Variants in ZSCAN5C observed in about 807,000 individuals in gnomAD.
The protein encoded by ZSCAN5C is zinc finger and SCAN domain containing 5C.
ZSCAN5C carries 11 observed loss-of-function variants against 17.3 expected under a neutral mutation model. That is an observed-to-expected ratio of 0.64 (90% confidence interval 0.40 to 1.06). The LOEUF (loss-of-function observed/expected upper bound fraction) is 1.06, where lower values mean the gene tolerates loss of function less well. ZSCAN5C is among the 50% of genes least tolerant of loss of function. ZSCAN5C has a pLI of 0.00. For missense variants in ZSCAN5C, 698 were observed against 538.9 expected (o/e 1.30, Z -2.92); for synonymous variants, 229 against 208.4 (o/e 1.10, Z -0.85).
chr19:56,207,739 G>C (rs1203054990), intron 3 of ZSCAN5C, among the ~76,000 whole-genome samples: 1 of 151,810 alleles, frequency 6.6e-6, no homozygotes, highest in Non-Finnish European at 1.5e-5. Context: ...ATAGCATCTA[G>C]AGGGTGGAGG....
chr19:56,208,444 T>C lies in ZSCAN5C; in HGVS notation c.740-5T>C. ...TAACTGTGTGTGTGGAATCCCTTCT[T>C]CCAGCAGGGGTGGTGGGAGCAAAGG... On this transcript the variant is annotated splice_region_variant and splice_polypyrimidine_tract_variant and intron_variant, in intron 4 of 4. Coordinates refer to ENST00000534327, the Ensembl canonical transcript of ZSCAN5C. 1 of 1,304,286 alleles carries C rather than the reference T, an allele frequency of 7.7e-7. No homozygotes were observed. The highest frequency in any genetic ancestry group is 1.8e-5 in the Admixed American group (1 of 54,868). The allele number at this position is 1,304,286 out of a possible 1,614,324, so 80.8% of individuals were successfully genotyped here.
rs536699095 is a variant in ZSCAN5C, at chr19:56,203,832, A to G, written c.-128+1510A>G. ...GCCTGGCTAATTTTGTATTTTTAGT[A>G]CAGACGGGGTTTCTCCATGTTGGTC... On this transcript the variant is annotated intron_variant, in intron 1 of 4. Coordinates refer to ENST00000534327, the Ensembl canonical transcript of ZSCAN5C. Among the ~76,000 whole-genome samples the G allele has an allele frequency of 3.3e-4, 50 of 151,366 alleles. 2 individuals are homozygous for G. Among genetic ancestry groups the G allele is most frequent in the African/African-American group, 1.1e-3 (46 of 40,920 alleles).
intron 3 of ZSCAN5C, 90 bp from the exon 4 acceptor site, chr19:56,207,944 A>G (rs1568591429): frequency 7.8e-6 from 5 of 637,802 alleles, no homozygotes; most frequent in Non-Finnish European, 1.4e-5. Context: ...GTGTCATTAG[A>G]AGAGTTGGTG....
chr19:56,203,453 T>G (rs1410086489), intron 1 of ZSCAN5C, among the ~76,000 whole-genome samples: 1 of 151,740 alleles, frequency 6.6e-6, no homozygotes, highest in African/African-American at 2.4e-5. Flanking sequence ...ATGCTTAAAG[T>G]CTACTCTTTA....
At chr19:56,206,059 T>C (rs534126266) in exon 2 of ZSCAN5C, 2 of 1,613,134 alleles carry the variant, frequency 1.2e-6, no homozygotes, top group East Asian at 2.2e-5. Context: ...AACTTCAGGA[T>C]GTTCAGCTGC....
chr19:56,202,623 T>C (rs1485838486), intron 1 of ZSCAN5C, among the ~76,000 whole-genome samples: 1 of 151,950 alleles, frequency 6.6e-6, no homozygotes, highest in Non-Finnish European at 1.5e-5. Flanking sequence ...TCTCTCTCAT[T>C]GCCCAGACTA....
chr19:56,208,036 A>C (rs12979551), exon 4 of ZSCAN5C: 390,471 of 724,892 alleles, frequency 0.54, 108,714 homozygotes, highest in African/African-American at 0.7. Flanking sequence ...ATTCTCAGGA[A>C]GAGGACTTCC....
At chr19:56,207,549 T>C (rs201566972) in intron 3 of ZSCAN5C, among the ~76,000 whole-genome samples, 1 of 151,470 alleles carries the variant, frequency 6.6e-6, no homozygotes, top group South Asian at 2.1e-4. Context: ...GAAGGTCCCA[T>C]CCCCATCCAG....
exon 3 of ZSCAN5C, chr19:56,207,099 A>T: frequency 1.3e-6 from 1 of 748,412 alleles, no homozygotes; most frequent in Admixed American, 1.8e-5. Flanking sequence ...CTTATGCAGG[A>T]ATCAGATGTG....
At chr19:56,204,010 T>C (rs2032896882) in intron 1 of ZSCAN5C, among the ~76,000 whole-genome samples, 1 of 151,866 alleles carries the variant, frequency 6.6e-6, no homozygotes, top group Admixed American at 6.5e-5. Context: ...TAAAAACTAT[T>C]TTATAATTTC....
chr19:56,209,168 C>A, exon 5 of ZSCAN5C: 1 of 1,049,270 alleles, frequency 9.5e-7, no homozygotes, highest in Non-Finnish European at 1.5e-6. Flanking sequence ...AAGACGCCAC[C>A]AGAAAACACA....
chr19:56,203,017 G>A (rs1338138302), intron 1 of ZSCAN5C, among the ~76,000 whole-genome samples: 3 of 151,944 alleles, frequency 2.0e-5, no homozygotes, highest in Admixed American at 6.5e-5. Flanking sequence ...ATACTAACCC[G>A]CGTACCTGCC....
rs772668327 is a variant in ZSCAN5C at position 56,208,697 on chromosome 19, A to C, written c.988A>C (p.Ile330Leu). ...CAGAGAATCCCCGGGACAAGCTGAG[A>C]TCAATCCAGTTCATTCCCCAGGCCC... is the stretch of plus-strand genomic sequence containing the variant. The change falls in exon 5 of 5, where the codon ATC (isoleucine) becomes CTC (leucine). Residue 330 changes from isoleucine to leucine, a missense_variant. By Grantham distance (5) the Ile-to-Leu change is conservative. This residue lies in a region of ZSCAN5C where 554 missense variants were observed against 390.5 expected (regional missense o/e 1.42). Transcript: ENST00000534327. 4 of 1,612,642 alleles carry C rather than the reference A, an allele frequency of 2.5e-6. No homozygotes were observed. In the Admixed American group the frequency reaches 5.0e-5, roughly 20 times the overall value.
chr19:56,207,215 C>T lies in ZSCAN5C; in HGVS notation c.541C>T (p.Gln181Ter), dbSNP rs758893298. The T allele has an allele frequency of 1.8e-5, 14 of 778,826 alleles. No individual in the cohort carries two copies. Among genetic ancestry groups the T allele is most frequent in the African/African-American group, 1.2e-4 (7 of 58,718 alleles). 48.2% of individuals were successfully genotyped at this position (778,826 alleles called of 1,614,324 possible). A position where few individuals can be genotyped will look rare whatever the true frequency, so the allele number is the denominator to read the frequency against. Residue 181 changes from glutamine to a stop codon, truncating the protein, a stop_gained, in exon 3 of 5, where the codon CAA becomes TAA. Coordinates refer to ENST00000534327, the Ensembl canonical transcript of ZSCAN5C. LOFTEE classifies it high-confidence loss of function. ...GTGTCCGGAGGAAGGCCAGGCCAGC[C>T]AAGAGCTGCAGACCCTGCCCAGGGT...
chr19:56,203,221 C>A (rs1163303635), intron 1 of ZSCAN5C, among the ~76,000 whole-genome samples: 1 of 151,722 alleles, frequency 6.6e-6, no homozygotes, highest in Admixed American at 6.6e-5. Flanking sequence ...TGCCCTGTGG[C>A]AAAATCATTT....
At chr19:56,203,906 T>C (rs573568756) in intron 1 of ZSCAN5C, among the ~76,000 whole-genome samples, 1,692 of 151,842 alleles carry the variant, frequency 0.011, 80 homozygotes, top group African/African-American at 0.039. Flanking sequence ...ATCTCAGCCG[T>C]CCAACGTGCT....
In ZSCAN5C at chr19:56,205,859, C is replaced by A. The variant is rs2032913937; in HGVS notation, c.-55C>A. 6.4e-6 allele frequency: 5 copies of A among 777,794 alleles called. No homozygotes were observed. The East Asian group carries it at 9.9e-5, about 15-fold the overall frequency. 48.2% of individuals were successfully genotyped at this position (777,794 alleles called of 1,614,324 possible). A position where few individuals can be genotyped will look rare whatever the true frequency, so the allele number is the denominator to read the frequency against. On this transcript the variant is annotated 5_prime_UTR_variant, in exon 2 of 5. Coordinates refer to ENST00000534327, the Ensembl canonical transcript of ZSCAN5C. ...CCTGTGTATATAGGTCGCAATTAGA[C>A]ACCGGCTTCTGGAAGAGCTTTCCCA...
chr19:56,206,736 G>A (rs1474309876), intron 2 of ZSCAN5C, among the ~76,000 whole-genome samples: 7 of 151,872 alleles, frequency 4.6e-5, no homozygotes, highest in East Asian at 1.9e-4. Flanking sequence ...ACCATCCTGA[G>A]GCAGGGAAAG....
Position 56,208,993 on chromosome 19 carries a change from G to C in ZSCAN5C, c.1284G>C (p.Lys428Asn), listed in dbSNP as rs184245764. The change falls in exon 5 of 5, where the codon AAG (lysine) becomes AAC (asparagine). Residue 428 changes from lysine to asparagine, a missense_variant. Physicochemically the swap from Lys to Asn is moderately conservative, Grantham distance 94 (BLOSUM62 0). Around this residue, in one of 3 missense-constraint regions of ZSCAN5C, gnomAD observed 554 missense variants for 390.5 expected, o/e 1.42. Transcript: ENST00000534327. ...AGTTCACCCAGAAGTCCTACTTGAAGTGTCACAAGAGAAGCCACACAGGGG... is the reference window on the plus strand; with the variant it reads ...AGTTCACCCAGAAGTCCTACTTGAACTGTCACAAGAGAAGCCACACAGGGG... 13,713 of 1,613,452 alleles carry C rather than the reference G, an allele frequency of 8.5e-3. 87 individuals carry two copies. Among genetic ancestry groups the C allele is most frequent in the Middle Eastern group, 0.012 (73 of 6,054 alleles).
Sources: allele counts gnomAD v4.1 joint callset (sites outside exome capture counted in the v4.1 genomes callset), GRCh38; gene constraint gnomAD v4.1.1; regional missense constraint gnomAD v4.1.1; transcripts MANE v1.5; gene names NCBI Gene and HGNC (gene_info 2026-07-23, HGNC 2026-07-21).